PCDHA12: variants seen among roughly 807,000 people sequenced by gnomAD.
PCDHA12 encodes the protein protocadherin alpha 12.
PCDHA12 carries 44 observed loss-of-function variants against 60.0 expected under a neutral mutation model. The observed-to-expected ratio is 0.73, with a 90% CI of 0.58 to 0.94. PCDHA12 has a LOEUF of 0.94. Ranked by LOEUF, PCDHA12 falls within the 40% of genes least tolerant of loss-of-function variation. PCDHA12 has a pLI of 0.00. For missense variants in PCDHA12, 1,276 were observed against 1,239.7 expected, an observed-to-expected ratio of 1.03 and a Z score of -0.44; for synonymous variants, 569 against 553.0, an observed-to-expected ratio of 1.03 and a Z score of -0.40.
intron 1 of PCDHA12, among the ~76,000 whole-genome samples, chr5:140,961,895 T>A (rs1453853880): frequency 6.6e-6 from 1 of 152,012 alleles, no homozygotes; most frequent in Non-Finnish European, 1.5e-5. Flanking sequence ...CAGTTTTTTT[T>A]TTTTTTGAGA....
chr5:141,003,425 C>A (rs1344914063), intron 3 of PCDHA12, among the ~76,000 whole-genome samples: 1 of 152,138 alleles, frequency 6.6e-6, no homozygotes, highest in Non-Finnish European at 1.5e-5. Context: ...GATTCTTATG[C>A]CTCAGCCTCC....
intron 1 of PCDHA12, among the ~76,000 whole-genome samples, chr5:140,939,959 G>A (rs1272327380): frequency 6.6e-6 from 1 of 152,150 alleles, no homozygotes; most frequent in Non-Finnish European, 1.5e-5. Flanking sequence ...TTATGTTAAA[G>A]TGTTCCACGA....
intron 1 of PCDHA12, chr5:140,881,460 G>T: frequency 1.6e-6 from 1 of 637,280 alleles, no homozygotes; most frequent in Non-Finnish European, 2.0e-6. Flanking sequence ...AAACCTTAGA[G>T]CATTGTTGTG....
intron 3 of PCDHA12, among the ~76,000 whole-genome samples, chr5:140,995,133 T>C (rs1397108502): frequency 6.6e-6 from 1 of 152,230 alleles, no homozygotes; most frequent in Non-Finnish European, 1.5e-5. Flanking sequence ...TGAAACCTCA[T>C]TTAGTACTGA....
chr5:140,943,257 C>CA (rs1238620023), intron 1 of PCDHA12, among the ~76,000 whole-genome samples: 3,333 of 76,804 alleles, frequency 0.043, 169 homozygotes, highest in Admixed American at 0.1. Context: ...GACTCTGTCT[C>CA]AAAAAAAAAA....
In PCDHA12 at chr5:140,937,039, C is replaced by CTT. The variant is rs34994034; in HGVS notation, c.2368-41895_2368-41894dup. On this transcript the variant is annotated intron_variant, in intron 1 of 3. Coordinates refer to ENST00000398631, the MANE Select transcript of PCDHA12 (RefSeq NM_018903.4). ...TAACAAGGTATATTCTTCCATTTATCTTTTTTTTTTTTTTTTGAGACGGAG... is the reference window on the plus strand; with the variant it reads ...TAACAAGGTATATTCTTCCATTTATCTTTTTTTTTTTTTTTTTTGAGACGGAG... 3.4e-3 allele frequency among the ~76,000 whole-genome samples: 476 copies of CTT among 140,122 alleles called. 6 individuals carry two copies. The highest frequency in any genetic ancestry group is 0.011 in the South Asian group (47 of 4,432). 91.9% of individuals were successfully genotyped at this position (140,122 alleles called of 152,430 possible).
chr5:140,959,834 G>A (rs1223310946), intron 1 of PCDHA12, among the ~76,000 whole-genome samples: 1 of 152,144 alleles, frequency 6.6e-6, no homozygotes, highest in African/African-American at 2.4e-5. Context: ...AATGTATTAT[G>A]CCTGTAACTG....
intron 1 of PCDHA12, among the ~76,000 whole-genome samples, chr5:140,895,100 T>G (rs1306041919): frequency 2.0e-5 from 3 of 152,190 alleles, no homozygotes; most frequent in African/African-American, 7.2e-5. Context: ...TAGGGGTTTT[T>G]GCTACAAGAA....
chr5:140,999,304 C>G (rs1587831145), intron 3 of PCDHA12, among the ~76,000 whole-genome samples: 2 of 152,190 alleles, frequency 1.3e-5, no homozygotes, highest in East Asian at 3.8e-4. Flanking sequence ...TTCAGAATTT[C>G]TTCATGACAG....
In PCDHA12 at chr5:140,875,355, T is replaced by A; in HGVS notation, c.-118T>A. On this transcript the variant is annotated 5_prime_UTR_variant, in exon 1 of 4. The change abolishes an upstream ATG in the 5' untranslated region. Transcript: ENST00000398631. ...AGGATCGACTCCATAATGACTGTGATGCTGGAAAAAATTTACTAAATATGT... is the reference window on the plus strand; with the variant it reads ...AGGATCGACTCCATAATGACTGTGAAGCTGGAAAAAATTTACTAAATATGT... The A allele has an allele frequency of 6.9e-7, 1 of 1,446,356 alleles. No individual in the cohort carries two copies. The highest frequency in any genetic ancestry group is 1.4e-5 in the African/African-American group (1 of 69,886). 89.6% of individuals were successfully genotyped at this position (1,446,356 alleles called of 1,614,324 possible).
intron 3 of PCDHA12, 64 bp downstream of exon 3, chr5:140,982,627 T>A: frequency 6.3e-7 from 1 of 1,581,770 alleles, no homozygotes; most frequent in Non-Finnish European, 8.6e-7. Flanking sequence ...GACCTACTTT[T>A]GTAAGATCAG....
At chr5:140,944,060 T>G in intron 1 of PCDHA12, among the ~76,000 whole-genome samples, 1 of 152,204 alleles carries the variant, frequency 6.6e-6, no homozygotes, top group Non-Finnish European at 1.5e-5. Flanking sequence ...ACAAAAAGGT[T>G]TCTTGTTAAA....
chr5:140,878,627 T>C (rs2057676475), intron 1 of PCDHA12, among the ~76,000 whole-genome samples: 1 of 152,236 alleles, frequency 6.6e-6, no homozygotes, highest in Non-Finnish European at 1.5e-5. Flanking sequence ...TTACATATTT[T>C]AACTTTCTAT....
intron 2 of PCDHA12, 91 bp downstream of exon 2, chr5:140,979,098 A>C: frequency 1.3e-6 from 2 of 1,547,480 alleles, no homozygotes; most frequent in East Asian, 2.3e-5. Flanking sequence ...AGCAGCTGTC[A>C]AAACTAAAAA....
At chr5:140,974,108 C>G (rs977903039) in intron 1 of PCDHA12, among the ~76,000 whole-genome samples, 1 of 152,182 alleles carries the variant, frequency 6.6e-6, no homozygotes, top group Non-Finnish European at 1.5e-5. Flanking sequence ...TAAAAGTATT[C>G]TTTTGCAGTG....
intron 1 of PCDHA12, among the ~76,000 whole-genome samples, chr5:140,908,387 T>A (rs536105622): frequency 1.3e-5 from 2 of 152,230 alleles, no homozygotes; most frequent in Admixed American, 1.3e-4. Flanking sequence ...TCGAGCCCGA[T>A]CACATATATA....
At chr5:140,993,464 A>T (rs1309811031) in intron 3 of PCDHA12, among the ~76,000 whole-genome samples, 11 of 28,960 alleles carry the variant, frequency 3.8e-4, no homozygotes, top group South Asian at 2.7e-3. Flanking sequence ...TTTCTTTCTC[A>T]CACACACACA....
intron 1 of PCDHA12, among the ~76,000 whole-genome samples, chr5:140,890,478 G>A (rs1358799219): frequency 1.3e-5 from 2 of 151,984 alleles, no homozygotes; most frequent in Non-Finnish European, 2.9e-5. Flanking sequence ...TTTTTTGTGC[G>A]TTATTTTTGT....
In PCDHA12 at chr5:141,010,365, A is replaced by G; in HGVS notation, c.*428A>G. 6.8e-7 allele frequency: 1 copy of G among 1,480,028 alleles called. No individual in the cohort carries two copies. The highest frequency in any genetic ancestry group is 1.3e-5 in the South Asian group (1 of 75,134). The allele number at this position is 1,480,028 out of a possible 1,614,324, so 91.7% of individuals were successfully genotyped here. On this transcript the variant is annotated 3_prime_UTR_variant, in exon 4 of 4. Coordinates refer to ENST00000398631, the MANE Select transcript of PCDHA12 (RefSeq NM_018903.4). Reference sequence around the variant, plus strand: ...CTGGGTATGTGTGGCTACCGCGGGTATGCGAGTGCCAGATATTGGCTGAGA... The same window carrying G: ...CTGGGTATGTGTGGCTACCGCGGGTGTGCGAGTGCCAGATATTGGCTGAGA...
Sources: gnomAD v4.1 joint callset for allele counts (sites outside exome capture counted in the v4.1 genomes callset) on GRCh38, gnomAD v4.1.1 for gene constraint, MANE v1.5 for transcripts, NCBI Gene and HGNC (gene_info 2026-07-23, HGNC 2026-07-21) for gene names.